MGAT4A: variants seen among roughly 807,000 people sequenced by gnomAD.
MGAT4A encodes alpha-1,3-mannosyl-glycoprotein 4-beta-N-acetylglucosaminyltransferase A.
In MGAT4A, 33 loss-of-function variants were observed where a neutral mutation model predicts 74.1. The ratio of observed to expected loss-of-function variants is 0.45; its 90% confidence interval spans 0.34 to 0.60. MGAT4A has a LOEUF of 0.60. Among genes scored for constraint, MGAT4A ranks in the 20% least tolerant of loss-of-function variants. The pLI is 0.02. For synonymous variants in MGAT4A, 198 were observed against 210.4 expected (o/e 0.94, Z 0.51); for missense variants, 479 against 628.3 (o/e 0.76, Z 2.54).
intron 14 of MGAT4A, among the ~76,000 whole-genome samples, chr2:98,627,595 T>C (rs1701164846): frequency 6.6e-6 from 1 of 152,156 alleles, no homozygotes; most frequent in Non-Finnish European, 1.5e-5. Context: ...AGGCTGGTCT[T>C]GGACCTCTGA....
intron 1 of MGAT4A, among the ~76,000 whole-genome samples, chr2:98,730,518 C>CCCTGCG (rs1293014038): frequency 6.6e-6 from 1 of 152,222 alleles, no homozygotes; most frequent in African/African-American, 2.4e-5. Context: ...CAGCCCCTGC[C>CCCTGCG]CCTGCGCCTC....
At chr2:98,677,725 T>C (rs1024867776) in intron 3 of MGAT4A, among the ~76,000 whole-genome samples, 4 of 151,930 alleles carry the variant, frequency 2.6e-5, no homozygotes, top group Non-Finnish European at 5.9e-5. Flanking sequence ...AGTGCTGGGA[T>C]TATAGGTGTG....
chr2:98,686,439 A>G lies in MGAT4A; in HGVS notation c.95-7968T>C, dbSNP rs1702131548. On this transcript the variant is annotated intron_variant, in intron 2 of 15. Transcript: ENST00000393487. ...TGTCATTCAAAACAAACTTCCAGGTAGAGGTTTAATAAGTTAAAATCTATC... is the reference window on the plus strand; with the variant it reads ...TGTCATTCAAAACAAACTTCCAGGTGGAGGTTTAATAAGTTAAAATCTATC... Among the ~76,000 whole-genome samples, 4 of 152,184 alleles carry G rather than the reference A, an allele frequency of 2.6e-5. No homozygotes were observed. The South Asian group carries it at 6.2e-4, about 24-fold the overall frequency.
chr2:98,626,716 T>C (rs947592006), intron 14 of MGAT4A, among the ~76,000 whole-genome samples: 3 of 152,186 alleles, frequency 2.0e-5, no homozygotes, highest in Non-Finnish European at 4.4e-5. Flanking sequence ...GTAATATAGG[T>C]ATACCAAGGA....
At chr2:98,687,545 A>T (rs755420323) in intron 2 of MGAT4A, among the ~76,000 whole-genome samples, 1 of 147,446 alleles carries the variant, frequency 6.8e-6, no homozygotes, top group African/African-American at 2.5e-5. Flanking sequence ...ATTCATTTCC[A>T]CCTTCCCCCT....
chr2:98,636,127 G>C lies in MGAT4A; in HGVS notation c.1401+390C>G, dbSNP rs186543063. Among the ~76,000 whole-genome samples the C allele has an allele frequency of 8.6e-5, 13 of 151,992 alleles. 1 individual carries two copies. The highest frequency in any genetic ancestry group is 3.1e-4 in the African/African-American group (13 of 41,462). ...CGTGCCTCAGCCTCCCGAGTAGCTG[G>C]GATTACAGGCGCATGCCACGATTCC... On this transcript the variant is annotated intron_variant, in intron 13 of 15. Transcript: ENST00000393487.
chr2:98,645,792 T>C (rs921573881), intron 8 of MGAT4A, among the ~76,000 whole-genome samples: 1 of 152,174 alleles, frequency 6.6e-6, no homozygotes, highest in African/African-American at 2.4e-5. Flanking sequence ...AGGACATCCT[T>C]TCCAAGTAAG....
chr2:98,709,696 A>G (rs764056124), intron 2 of MGAT4A, among the ~76,000 whole-genome samples: 21 of 152,182 alleles, frequency 1.4e-4, no homozygotes, highest in Non-Finnish European at 1.9e-4. Context: ...ATGTTTTTCA[A>G]AATTTTTGGT....
At chr2:98,637,565 T>C (rs552293174) in intron 12 of MGAT4A, among the ~76,000 whole-genome samples, 4 of 152,300 alleles carry the variant, frequency 2.6e-5, no homozygotes, top group Admixed American at 2.6e-4. Context: ...CTAGTAAGTA[T>C]GCGTATGCGT....
intron 14 of MGAT4A, among the ~76,000 whole-genome samples, chr2:98,628,731 C>T (rs1013964721): frequency 1.3e-5 from 2 of 152,186 alleles, no homozygotes; most frequent in African/African-American, 4.8e-5. Flanking sequence ...CCACAATGCT[C>T]AAAATCTACT....
chr2:98,728,021 C>T (rs1355178403), intron 1 of MGAT4A, among the ~76,000 whole-genome samples: 12 of 152,096 alleles, frequency 7.9e-5, no homozygotes, highest in Non-Finnish European at 5.9e-5. Flanking sequence ...CTGCACCTGG[C>T]AATATGAAGA....
intron 1 of MGAT4A, among the ~76,000 whole-genome samples, chr2:98,729,948 G>C (rs1215537596): frequency 6.6e-6 from 1 of 152,206 alleles, no homozygotes; most frequent in Non-Finnish European, 1.5e-5. Flanking sequence ...TACAGCTTAC[G>C]TAATGTCATC....
At chr2:98,627,283 G>A (rs565572627) in intron 14 of MGAT4A, among the ~76,000 whole-genome samples, 1 of 152,270 alleles carries the variant, frequency 6.6e-6, no homozygotes, top group East Asian at 1.9e-4. Context: ...TGATTTGACT[G>A]CAATGTTAGT....
intron 2 of MGAT4A, among the ~76,000 whole-genome samples, chr2:98,699,409 C>T (rs188321283): frequency 2.6e-5 from 4 of 152,252 alleles, no homozygotes. Flanking sequence ...CAGAGGCCAG[C>T]CGAGGACCAG....
At chr2:98,674,516 G>T (rs1042681088) in intron 4 of MGAT4A, among the ~76,000 whole-genome samples, 2 of 152,150 alleles carry the variant, frequency 1.3e-5, no homozygotes, top group African/African-American at 4.8e-5. Flanking sequence ...GAAAACTGAA[G>T]AAGTTCTGTT....
At chr2:98,701,589 T>G (rs1247396287) in intron 2 of MGAT4A, among the ~76,000 whole-genome samples, 1 of 152,132 alleles carries the variant, frequency 6.6e-6, no homozygotes, top group Non-Finnish European at 1.5e-5. Flanking sequence ...CTGGAAAAAT[T>G]AGATTAGGAG....
At chr2:98,712,403 GA>G (rs1702530650) in intron 2 of MGAT4A, among the ~76,000 whole-genome samples, 1 of 152,102 alleles carries the variant, frequency 6.6e-6, no homozygotes, top group African/African-American at 2.4e-5. Flanking sequence ...TGCACCATGA[GA>G]AAGACTCCTT....
At chr2:98,696,051 T>C (rs892637818) in intron 2 of MGAT4A, among the ~76,000 whole-genome samples, 2 of 151,960 alleles carry the variant, frequency 1.3e-5, no homozygotes, top group African/African-American at 2.4e-5. Flanking sequence ...CTGCCTAATT[T>C]TTCTATTTTT....
chr2:98,675,196 T>G, intron 3 of MGAT4A, 21 bp from the exon 4 acceptor site: 1 of 1,533,156 alleles, frequency 6.5e-7, no homozygotes, highest in Non-Finnish European at 8.9e-7. Context: ...GAAGTATAAT[T>G]AATATACAAG....
Sources: allele counts gnomAD v4.1 joint callset (sites outside exome capture counted in the v4.1 genomes callset), GRCh38; gene constraint gnomAD v4.1.1; transcripts MANE v1.5; gene names NCBI Gene and HGNC (gene_info 2026-07-23, HGNC 2026-07-21).